The following ASCC1 variants were observed in gnomAD, a reference collection of about 807,000 sequenced individuals.
ASCC1 encodes the protein activating signal cointegrator 1 complex subunit 1.
ASCC1 carries 35 observed loss-of-function variants against 46.6 expected under a neutral mutation model. The observed-to-expected ratio is 0.75, with a 90% CI of 0.57 to 0.99. The LOEUF (loss-of-function observed/expected upper bound fraction) is 0.99, where lower values mean the gene tolerates loss of function less well. Ranked by LOEUF, ASCC1 falls within the 50% of genes least tolerant of loss-of-function variation. The pLI, the probability that ASCC1 is intolerant of heterozygous loss-of-function variation, is 0.00. For synonymous variants in ASCC1, 143 were observed against 146.6 expected (o/e 0.98, Z 0.18); for missense variants, 376 against 428.7 (o/e 0.88, Z 1.09).
At chr10:72,139,586 C>G (rs1256930230) in intron 7 of ASCC1, among the ~76,000 whole-genome samples, 1 of 152,172 alleles carries the variant, frequency 6.6e-6, no homozygotes, top group Admixed American at 6.5e-5. Flanking sequence ...TTAGATAGTG[C>G]TTTGGATTTG....
rs1488471193 is a variant in ASCC1, at chr10:72,163,853, G to A, written c.490-2179C>T. The stretch of plus-strand genomic sequence containing the variant: ...TAACCATTTTAAAGTGTACAATACA[G>A]CAGTATTTATATTTAGTGTATTCAA... On this transcript the variant is annotated intron_variant, in intron 5 of 9. Coordinates refer to ENST00000672957, the MANE Select transcript of ASCC1 (RefSeq NM_001198800.3). 2.0e-5 allele frequency among the ~76,000 whole-genome samples: 3 copies of A among 152,070 alleles called. No individual in the cohort carries two copies. In the East Asian group the frequency reaches 5.8e-4, roughly 29 times the overall value.
Position 72,096,746 on chromosome 10 carries a change from C to G in ASCC1, c.*588G>C. On this transcript the variant is annotated 3_prime_UTR_variant, in exon 10 of 10. Transcript: ENST00000672957. ...ATATGTATAATACAGGAAGGAAATC[C>G]TGTCACCTGACACAACATGGATGAA... 2.2e-6 allele frequency: 1 copy of G among 454,124 alleles called. No individual in the cohort carries two copies. The highest frequency in any genetic ancestry group is 4.4e-6 in the Non-Finnish European group (1 of 226,798). The allele number at this position is 454,124 out of a possible 1,614,324, so 28.1% of individuals were successfully genotyped here. A position where few individuals can be genotyped will look rare whatever the true frequency, so the allele number is the denominator to read the frequency against.
intron 8 of ASCC1, among the ~76,000 whole-genome samples, chr10:72,128,789 C>T (rs1845202758): frequency 6.6e-6 from 1 of 151,948 alleles, no homozygotes; most frequent in Non-Finnish European, 1.5e-5. Context: ...CAAAAGACAT[C>T]CTTAAAGGTT....
intron 7 of ASCC1, among the ~76,000 whole-genome samples, chr10:72,146,184 T>C (rs925421186): frequency 6.6e-6 from 1 of 152,178 alleles, no homozygotes; most frequent in Non-Finnish European, 1.5e-5. Flanking sequence ...CCCTGGCATC[T>C]CAATCACAGC....
intron 7 of ASCC1, among the ~76,000 whole-genome samples, chr10:72,145,856 A>G (rs1162823986): frequency 6.6e-6 from 1 of 152,212 alleles, no homozygotes. Flanking sequence ...GGCTTTCAAT[A>G]AAGTTTTGTT....
At chr10:72,168,844 C>T (rs1276049561) in intron 5 of ASCC1, among the ~76,000 whole-genome samples, 2 of 152,148 alleles carry the variant, frequency 1.3e-5, no homozygotes, top group Admixed American at 1.3e-4. Context: ...AGAAAGCAAC[C>T]CTGCCAGCAC....
At chr10:72,140,871 G>A (rs946010829) in intron 7 of ASCC1, among the ~76,000 whole-genome samples, 2 of 152,122 alleles carry the variant, frequency 1.3e-5, no homozygotes, top group African/African-American at 2.4e-5. Flanking sequence ...GCTCAAAAGA[G>A]TAGACTATAT....
chr10:72,156,670 G>A (rs1849008522), intron 6 of ASCC1, among the ~76,000 whole-genome samples: 1 of 151,960 alleles, frequency 6.6e-6, no homozygotes, highest in African/African-American at 2.4e-5. Context: ...TACTCAGGAG[G>A]CTGAGGCAGG....
rs758679377 is a variant in ASCC1, at chr10:72,097,212, G to A, written c.*122C>T. 6 of 783,132 alleles carry A rather than the reference G, an allele frequency of 7.7e-6. No individual in the cohort carries two copies. The South Asian group carries it at 8.1e-5, about 11-fold the overall frequency. 48.5% of individuals were successfully genotyped at this position (783,132 alleles called of 1,614,324 possible). A position where few individuals can be genotyped will look rare whatever the true frequency, so the allele number is the denominator to read the frequency against. On this transcript the variant is annotated 3_prime_UTR_variant, in exon 10 of 10. Transcript: ENST00000672957. ...CATTAGAGGCAATGGTGAATCTATG[G>A]GGAACCACCCAGGAAAGTCACCATC...
At chr10:72,100,360 G>C (rs1841606212) in intron 9 of ASCC1, among the ~76,000 whole-genome samples, 1 of 151,768 alleles carries the variant, frequency 6.6e-6, no homozygotes, top group Non-Finnish European at 1.5e-5. Flanking sequence ...TGAGTAGCTG[G>C]GATTACAGGC....
chr10:72,144,472 A>G (rs1847405054), intron 7 of ASCC1, among the ~76,000 whole-genome samples: 1 of 152,266 alleles, frequency 6.6e-6, no homozygotes, highest in South Asian at 2.1e-4. Context: ...CCATTAACAT[A>G]TATTGTAATT....
At chr10:72,184,403 G>A (rs1853137305) in intron 5 of ASCC1, among the ~76,000 whole-genome samples, 1 of 152,070 alleles carries the variant, frequency 6.6e-6, no homozygotes, top group African/African-American at 2.4e-5. Flanking sequence ...CTAACTATAT[G>A]CTGTCTAAAA....
At chr10:72,129,101 A>G (rs936154580) in intron 8 of ASCC1, among the ~76,000 whole-genome samples, 1 of 152,338 alleles carries the variant, frequency 6.6e-6, no homozygotes, top group Non-Finnish European at 1.5e-5. Context: ...TGAACATAAT[A>G]CATAATACAT....
intron 3 of ASCC1, among the ~76,000 whole-genome samples, chr10:72,208,004 G>T (rs73276908): frequency 0.14 from 21,624 of 151,374 alleles, 4,410 homozygotes; most frequent in African/African-American, 0.45. Context: ...TTTATTTTTT[G>T]TTGTAGAAAC....
intron 5 of ASCC1, among the ~76,000 whole-genome samples, chr10:72,176,690 T>G (rs1369254350): frequency 2.0e-5 from 3 of 152,126 alleles, no homozygotes; most frequent in Non-Finnish European, 4.4e-5. Flanking sequence ...TCAAAATCCT[T>G]AACCCACACA....
intron 4 of ASCC1, among the ~76,000 whole-genome samples, chr10:72,200,302 T>C (rs372914368): frequency 1.6e-3 from 242 of 152,304 alleles, no homozygotes; most frequent in Admixed American, 2.9e-3. Context: ...GTATACCTTA[T>C]ATATAATTTC....
intron 5 of ASCC1, among the ~76,000 whole-genome samples, chr10:72,162,388 G>A (rs1849805077): frequency 6.6e-6 from 1 of 151,912 alleles, no homozygotes. Flanking sequence ...AGCCAGGATG[G>A]TCTCAATCTC....
chr10:72,204,293 G>A, intron 3 of ASCC1: 4 of 1,020,764 alleles, frequency 3.9e-6, no homozygotes, highest in Non-Finnish European at 5.6e-6. Flanking sequence ...AGAAAAATTA[G>A]AATATCTGAG....
intron 7 of ASCC1, among the ~76,000 whole-genome samples, chr10:72,139,360 C>T (rs1846698085): frequency 6.6e-6 from 1 of 151,520 alleles, no homozygotes; most frequent in African/African-American, 2.4e-5. Context: ...GTGATCCACC[C>T]AACCTTGGCC....
Sources: gnomAD v4.1 joint callset for allele counts (sites outside exome capture counted in the v4.1 genomes callset) on GRCh38, gnomAD v4.1.1 for gene constraint, MANE v1.5 for transcripts, NCBI Gene and HGNC (gene_info 2026-07-23, HGNC 2026-07-21) for gene names.